Variants in SHB observed in about 807,000 individuals in gnomAD.
SHB encodes the protein SH2 domain-containing adapter protein B.
In SHB, 20 loss-of-function variants were observed where a neutral mutation model predicts 52.3. The observed-to-expected ratio is 0.38, with a 90% CI of 0.27 to 0.56. SHB has a LOEUF of 0.56. Ranked by LOEUF, SHB falls within the 20% of genes least tolerant of loss-of-function variation. The pLI is 0.71. For synonymous variants in SHB, 397 were observed against 316.5 expected, an observed-to-expected ratio of 1.25 and a Z score of -2.70; for missense variants, 825 against 723.3, an observed-to-expected ratio of 1.14 and a Z score of -1.61.
At chr9:38,004,757 C>T (rs893479993) in intron 2 of SHB, among the ~76,000 whole-genome samples, 3 of 152,162 alleles carry the variant, frequency 2.0e-5, no homozygotes, top group Admixed American at 6.5e-5. Flanking sequence ...CATGTGCCAG[C>T]GTCCACGCAG....
intron 1 of SHB, among the ~76,000 whole-genome samples, chr9:38,035,146 C>A (rs1821468583): frequency 1.3e-5 from 2 of 152,064 alleles, no homozygotes; most frequent in Admixed American, 1.3e-4. Flanking sequence ...AGACAGTGGT[C>A]AACCCCTGGC....
chr9:38,008,632 T>A (rs1334278816), intron 2 of SHB, among the ~76,000 whole-genome samples: 1 of 152,194 alleles, frequency 6.6e-6, no homozygotes, highest in Non-Finnish European at 1.5e-5. Flanking sequence ...TAAACTTGGC[T>A]AGTGCACAAC....
intron 5 of SHB, among the ~76,000 whole-genome samples, chr9:37,922,561 G>A (rs958535929): frequency 1.4e-4 from 21 of 152,134 alleles, no homozygotes; most frequent in African/African-American, 1.2e-4. Context: ...CTCCTATCTC[G>A]CCTGTGTAAG....
At chr9:38,022,138 C>T (rs779139595) in intron 1 of SHB, among the ~76,000 whole-genome samples, 3 of 152,154 alleles carry the variant, frequency 2.0e-5, no homozygotes, top group Non-Finnish European at 4.4e-5. Flanking sequence ...AGTTTGGGGG[C>T]CACTAATCTC....
At position 37,974,839 on chromosome 9, in the gene SHB, T is replaced by C; in HGVS notation, c.839-2A>G. The C allele has an allele frequency of 1.2e-6, 2 of 1,612,856 alleles. No homozygotes were observed. Among genetic ancestry groups the C allele is most frequent in the Non-Finnish European group, 1.7e-6 (2 of 1,179,052 alleles). On this transcript the variant is annotated splice_acceptor_variant, in intron 2 of 5. Transcript: ENST00000377707. LOFTEE classifies it high-confidence loss of function. ...GGACACTTTCCTGCCTCTGAAATTC[T>C]GCAGGCAAAAAGGAAGGAAGCAGAG...
intron 1 of SHB, among the ~76,000 whole-genome samples, chr9:38,047,935 A>G (rs1316802622): frequency 6.6e-6 from 1 of 152,218 alleles, no homozygotes. Flanking sequence ...GGCACCAATG[A>G]GCAAGCCTGG....
intron 2 of SHB, among the ~76,000 whole-genome samples, chr9:38,009,380 G>T (rs1361612567): frequency 6.6e-6 from 1 of 152,250 alleles, no homozygotes; most frequent in Non-Finnish European, 1.5e-5. Flanking sequence ...TGACCGCAGA[G>T]GCGGGTAACC....
intron 4 of SHB, among the ~76,000 whole-genome samples, chr9:37,952,715 C>T (rs747815529): frequency 7.3e-5 from 11 of 151,526 alleles, no homozygotes; most frequent in African/African-American, 1.2e-4. Context: ...TGCTGGTGTC[C>T]GGCAAAAAAA....
intron 1 of SHB, among the ~76,000 whole-genome samples, chr9:38,024,353 C>T (rs1821315612): frequency 6.6e-6 from 1 of 152,264 alleles, no homozygotes; most frequent in African/African-American, 2.4e-5. Context: ...TGACCTGCCC[C>T]ACATGTCAGG....
intron 5 of SHB, among the ~76,000 whole-genome samples, chr9:37,931,195 G>T (rs1294668608): frequency 5.3e-5 from 8 of 152,134 alleles, no homozygotes; most frequent in African/African-American, 1.9e-4. Flanking sequence ...CTGGACACTG[G>T]CCTTGGCAAT....
At position 37,929,599 on chromosome 9, in the gene SHB, C is replaced by T. The variant is rs536576091; in HGVS notation, c.1347-9595G>A. Among the ~76,000 whole-genome samples the T allele has an allele frequency of 8.0e-4, 122 of 152,336 alleles. 3 individuals are homozygous for T. Among genetic ancestry groups the T allele is most frequent in the African/African-American group, 2.7e-3 (111 of 41,570 alleles). On this transcript the variant is annotated intron_variant, in intron 5 of 5. Transcript: ENST00000377707. ...GCTCTGTCATTCACGGCTGCATTGG[C>T]AGCCCAGAAGCCATGGATGTGGCTG...
At position 38,045,481 on chromosome 9, in the gene SHB, C is replaced by T. The variant is rs909392493; in HGVS notation, c.717+22448G>A. ...TATAAAAATTAGCCGATAGGTGGCGCGCACCTGTAATCCCAGCTACTCGGG... is the reference window on the plus strand; with the variant it reads ...TATAAAAATTAGCCGATAGGTGGCGTGCACCTGTAATCCCAGCTACTCGGG... On this transcript the variant is annotated intron_variant, in intron 1 of 5. Transcript: ENST00000377707. Among the ~76,000 whole-genome samples, 14 of 150,918 alleles carry T rather than the reference C, an allele frequency of 9.3e-5. No homozygotes were observed. The East Asian group carries it at 2.2e-3, about 23-fold the overall frequency.
At chr9:37,923,446 G>GC (rs34486091) in intron 5 of SHB, among the ~76,000 whole-genome samples, 4 of 152,170 alleles carry the variant, frequency 2.6e-5, no homozygotes, top group Admixed American at 1.3e-4. Flanking sequence ...GGTGGTGACC[G>GC]CCCCCCCAGG....
intron 4 of SHB, among the ~76,000 whole-genome samples, chr9:37,950,708 G>T (rs1327814537): frequency 3.3e-5 from 5 of 152,156 alleles, no homozygotes; most frequent in Non-Finnish European, 5.9e-5. Context: ...TCTATTAAGC[G>T]AGGATCATGC....
At chr9:37,979,471 G>T (rs1164285725) in intron 2 of SHB, among the ~76,000 whole-genome samples, 1 of 152,142 alleles carries the variant, frequency 6.6e-6, no homozygotes, top group Non-Finnish European at 1.5e-5. Flanking sequence ...CCATGGCGGG[G>T]TCTGCCCATG....
intron 1 of SHB, among the ~76,000 whole-genome samples, chr9:38,038,739 T>G (rs998996457): frequency 6.6e-6 from 1 of 152,102 alleles, no homozygotes; most frequent in Non-Finnish European, 1.5e-5. Flanking sequence ...CCAGCCCCGC[T>G]TCCCAGGCCA....
rs1041799695 is a variant in SHB at position 38,037,366 on chromosome 9, G to A, written c.718-21235C>T. On this transcript the variant is annotated intron_variant, in intron 1 of 5. Coordinates refer to ENST00000377707, the MANE Select transcript of SHB (RefSeq NM_003028.3). ...CCGACACCTGCCCCCACCACTGCCC[G>A]CTCCAGTCACACGCAGAGTCACCAG... is the stretch of plus-strand genomic sequence containing the variant. Among the ~76,000 whole-genome samples the A allele has an allele frequency of 3.3e-5, 5 of 152,120 alleles. No individual in the cohort carries two copies. The East Asian group carries it at 5.8e-4, about 18-fold the overall frequency.
At chr9:38,016,533 A>G (rs1788692751) in intron 1 of SHB, among the ~76,000 whole-genome samples, 1 of 152,222 alleles carries the variant, frequency 6.6e-6, no homozygotes, top group South Asian at 2.1e-4. Flanking sequence ...AAAGCCTAGA[A>G]ATGCTGACAT....
chr9:37,978,613 A>G (rs558498182), intron 2 of SHB, among the ~76,000 whole-genome samples: 1 of 152,356 alleles, frequency 6.6e-6, no homozygotes, highest in Non-Finnish European at 1.5e-5. Flanking sequence ...AGTCTCCGTC[A>G]ATATGAGCAG....
Sources: allele counts gnomAD v4.1 joint callset (sites outside exome capture counted in the v4.1 genomes callset), GRCh38; gene constraint gnomAD v4.1.1; transcripts MANE v1.5; gene names NCBI Gene and HGNC (gene_info 2026-07-23, HGNC 2026-07-21).